Variants in LDLRAD4 observed in about 807,000 individuals in gnomAD.
LDLRAD4 encodes the protein low density lipoprotein receptor class A domain containing 4.
A neutral mutation model predicts 17.0 loss-of-function variants in LDLRAD4; 5 were observed. That is an observed-to-expected ratio of 0.29 (90% CI 0.15 to 0.62). The LOEUF is 0.62. Ranked by LOEUF, LDLRAD4 falls within the 20% of genes least tolerant of loss-of-function variation. The pLI is 0.84. For synonymous variants in LDLRAD4, 168 were observed against 171.8 expected (o/e 0.98, Z 0.17); for missense variants, 340 against 424.7 (o/e 0.80, Z 1.75).
At chr18:13,408,954 A>T (rs1008642646) in intron 2 of LDLRAD4, among the ~76,000 whole-genome samples, 5 of 152,080 alleles carry the variant, frequency 3.3e-5, no homozygotes, top group African/African-American at 1.2e-4. Flanking sequence ...AAGTTTACTG[A>T]AGTGATGATG....
At chr18:13,480,834 TA>T (rs1284579552) in intron 3 of LDLRAD4, among the ~76,000 whole-genome samples, 1 of 152,030 alleles carries the variant, frequency 6.6e-6, no homozygotes, top group Non-Finnish European at 1.5e-5. Flanking sequence ...TGACCTGGAG[TA>T]GGAAGTGGAA....
chr18:13,403,549 G>C (rs917300385), intron 2 of LDLRAD4, among the ~76,000 whole-genome samples: 1 of 152,208 alleles, frequency 6.6e-6, no homozygotes, highest in African/African-American at 2.4e-5. Context: ...GTGACCTTGG[G>C]TGAGTTACTT....
intron 1 of LDLRAD4, among the ~76,000 whole-genome samples, chr18:13,323,557 G>A (rs930187199): frequency 2.0e-5 from 3 of 152,134 alleles, no homozygotes; most frequent in Admixed American, 1.3e-4. Flanking sequence ...TTAAGGAGGC[G>A]CCAAACTCCA....
chr18:13,371,105 C>T (rs1057294409), intron 1 of LDLRAD4, among the ~76,000 whole-genome samples: 10 of 152,176 alleles, frequency 6.6e-5, no homozygotes, highest in Non-Finnish European at 1.2e-4. Context: ...GTTCTGAGAA[C>T]CCGGGTGCCG....
rs193143356 is a variant in LDLRAD4 at position 13,550,516 on chromosome 18, A to C, written c.182-70601A>C. Among the ~76,000 whole-genome samples the C allele has an allele frequency of 2.5e-3, 387 of 152,334 alleles. 2 individuals carry two copies. The highest frequency in any genetic ancestry group is 5.0e-3 in the Admixed American group (76 of 15,304). ...GCTAGAGGGTGTCTGGACGGCTTAC[A>C]TCATAAACACATGCTGTGAGAATGA... is the stretch of plus-strand genomic sequence containing the variant. On this transcript the variant is annotated intron_variant, in intron 3 of 5. Transcript: ENST00000359446.
intron 3 of LDLRAD4, among the ~76,000 whole-genome samples, chr18:13,504,849 G>A (rs1354972431): frequency 6.6e-6 from 1 of 152,176 alleles, no homozygotes; most frequent in Non-Finnish European, 1.5e-5. Context: ...CCCCACTATT[G>A]TCCTTGCTGT....
intron 1 of LDLRAD4, among the ~76,000 whole-genome samples, chr18:13,313,544 A>G (rs2080766459): frequency 6.6e-6 from 1 of 152,240 alleles, no homozygotes; most frequent in African/African-American, 2.4e-5. Context: ...TTTAAGCACT[A>G]GCCCACAACC....
intron 3 of LDLRAD4, among the ~76,000 whole-genome samples, chr18:13,581,581 G>A (rs2094858260): frequency 6.6e-6 from 1 of 152,194 alleles, no homozygotes; most frequent in Non-Finnish European, 1.5e-5. Context: ...ATTAGCTTCT[G>A]TTTTGTCTAC....
chr18:13,382,550 ATTAAT>A (rs2085448636), intron 1 of LDLRAD4: 1 of 152,198 alleles, frequency 6.6e-6, no homozygotes, highest in Non-Finnish European at 1.5e-5. Flanking sequence ...GCAATATTGA[ATTAAT>A]TTATTTCCTG....
intron 3 of LDLRAD4, among the ~76,000 whole-genome samples, chr18:13,493,690 A>C (rs1648609): frequency 1.3e-5 from 2 of 152,304 alleles, no homozygotes; most frequent in African/African-American, 4.8e-5. Context: ...GCAAGGAACC[A>C]AGAGGGGTGG....
intron 2 of LDLRAD4, among the ~76,000 whole-genome samples, chr18:13,417,439 T>C (rs902806812): frequency 6.6e-6 from 1 of 151,086 alleles, no homozygotes; most frequent in Non-Finnish European, 1.5e-5. Context: ...GTTTTTCTTT[T>C]TTTTTTTTTT....
At chr18:13,341,296 A>G (rs1023229331) in intron 1 of LDLRAD4, among the ~76,000 whole-genome samples, 1 of 152,126 alleles carries the variant, frequency 6.6e-6, no homozygotes, top group African/African-American at 2.4e-5. Context: ...TAGGAATTAC[A>G]TTGAATCTGT....
intron 1 of LDLRAD4, among the ~76,000 whole-genome samples, chr18:13,267,728 G>C (rs1268042974): frequency 6.6e-6 from 1 of 152,204 alleles, no homozygotes; most frequent in East Asian, 1.9e-4. Context: ...CATTCTGGCT[G>C]GCTGATTGGA....
intron 1 of LDLRAD4, among the ~76,000 whole-genome samples, chr18:13,379,058 G>A (rs1186457520): frequency 6.6e-6 from 1 of 152,214 alleles, no homozygotes. Context: ...GATACACAAT[G>A]GCTCCATCAG....
chr18:13,281,609 C>T (rs112868388), intron 1 of LDLRAD4, among the ~76,000 whole-genome samples: 1,684 of 152,226 alleles, frequency 0.011, 36 homozygotes, highest in African/African-American at 0.039. Context: ...GCTGGCCTTT[C>T]AGGTTGCTAT....
chr18:13,223,915 C>T lies in LDLRAD4; in HGVS notation c.-467+4927C>T, dbSNP rs545326677. 1.4e-3 allele frequency among the ~76,000 whole-genome samples: 212 copies of T among 152,320 alleles called. 7 individuals are homozygous for T. In the South Asian group the frequency reaches 0.043, roughly 31 times the overall value. Reference sequence around the variant, plus strand: ...GTATCGCTCCAGGTTCTGGGATCTGCCTCTGGAGCTAAATGAGGTGGGACC... The same window carrying T: ...GTATCGCTCCAGGTTCTGGGATCTGTCTCTGGAGCTAAATGAGGTGGGACC... On this transcript the variant is annotated intron_variant, in intron 1 of 5. Transcript: ENST00000399848.
chr18:13,280,726 AG>A (rs1453542198), intron 1 of LDLRAD4, among the ~76,000 whole-genome samples: 1 of 152,230 alleles, frequency 6.6e-6, no homozygotes, highest in East Asian at 1.9e-4. Flanking sequence ...CAGACTGGAA[AG>A]GTGCAGCTGG....
intron 1 of LDLRAD4, among the ~76,000 whole-genome samples, chr18:13,262,681 A>G (rs1339697754): frequency 1.2e-3 from 47 of 40,050 alleles, no homozygotes; most frequent in African/African-American, 2.9e-3. Flanking sequence ...TGTGCGTGGA[A>G]ACTGAGTCCC....
At chr18:13,619,516 G>GGC (rs2040402253) in intron 3 of LDLRAD4, among the ~76,000 whole-genome samples, 1 of 50,182 alleles carries the variant, frequency 2.0e-5, no homozygotes, top group Admixed American at 1.4e-4. Flanking sequence ...GGGTGGGGCC[G>GGC]GGGGGGGGCG....
Sources: allele counts gnomAD v4.1 joint callset (sites outside exome capture counted in the v4.1 genomes callset), GRCh38; gene constraint gnomAD v4.1.1; transcripts MANE v1.5; gene names NCBI Gene and HGNC (gene_info 2026-07-23, HGNC 2026-07-21).